Variants in POLA1 observed in about 807,000 individuals in gnomAD.
The protein encoded by POLA1 is DNA polymerase alpha 1, catalytic subunit.
A neutral mutation model predicts 124.0 loss-of-function variants in POLA1; 15 were observed. That is an observed-to-expected ratio of 0.12 (90% CI 0.08 to 0.19). The LOEUF (loss-of-function observed/expected upper bound fraction) is 0.19. Ranked by LOEUF, POLA1 falls within the 10% of genes least tolerant of loss-of-function variation. The probability of loss-of-function intolerance (pLI) is 1.00; values close to 1 mark genes in which losing one functional copy is unlikely to be tolerated. For missense variants in POLA1, 886 were observed against 1,103.4 expected, an observed-to-expected ratio of 0.80 and a Z score of 2.79; for synonymous variants, 408 against 389.4, an observed-to-expected ratio of 1.05 and a Z score of -0.56.
chrX:24,738,486 A>G (rs1202313531), intron 19 of POLA1, among the ~76,000 whole-genome samples: 1 of 111,752 alleles, frequency 8.9e-6, no homozygotes, highest in African/African-American at 3.2e-5. Flanking sequence ...ATAAAAAAAA[A>G]AGGAAAAAAG....
intron 35 of POLA1, among the ~76,000 whole-genome samples, chrX:24,917,000 T>C (rs763773576): frequency 8.9e-6 from 1 of 112,549 alleles, no homozygotes; most frequent in African/African-American, 3.2e-5. Context: ...TCTAACACTT[T>C]AATGTCTAAA....
chrX:24,963,320 C>T (rs1032985787), intron 36 of POLA1, among the ~76,000 whole-genome samples: 3 of 111,743 alleles, frequency 2.7e-5, no homozygotes, highest in African/African-American at 9.8e-5. Flanking sequence ...CCATCTTGCC[C>T]CAACTCTTGC....
intron 35 of POLA1, among the ~76,000 whole-genome samples, chrX:24,921,544 G>C (rs1226371246): frequency 8.9e-6 from 1 of 112,102 alleles, no homozygotes; most frequent in East Asian, 2.8e-4. Flanking sequence ...CTAGCAGCTA[G>C]AACAGTGCCT....
chrX:24,735,562 C>G (rs1931222041), intron 18 of POLA1, 74 bp downstream of exon 18: 1 of 590,683 alleles, frequency 1.7e-6, no homozygotes. Flanking sequence ...TTTATTGGTG[C>G]TTTTGAGCAG....
intron 34 of POLA1, among the ~76,000 whole-genome samples, chrX:24,868,416 G>T (rs1174375744): frequency 9.0e-6 from 1 of 111,703 alleles, no homozygotes; most frequent in Non-Finnish European, 1.9e-5. Flanking sequence ...GAGTATTCTT[G>T]TATCACTGTG....
chrX:24,738,117 G>T (rs1327004358), intron 19 of POLA1, among the ~76,000 whole-genome samples: 3 of 103,026 alleles, frequency 2.9e-5, no homozygotes, highest in Non-Finnish European at 5.8e-5. Context: ...GGAGGCTGAG[G>T]CAGGAGAATG....
At chrX:24,815,643 A>G (rs2045979238) in intron 30 of POLA1, among the ~76,000 whole-genome samples, 1 of 112,089 alleles carries the variant, frequency 8.9e-6, no homozygotes, top group African/African-American at 3.2e-5. Flanking sequence ...TTGGTTTCCA[A>G]AGTATTGTGT....
At chrX:24,697,855 C>G (rs1386155087) in intron 1 of POLA1, among the ~76,000 whole-genome samples, 1 of 111,291 alleles carries the variant, frequency 9.0e-6, no homozygotes, top group Non-Finnish European at 1.9e-5. Context: ...CATGCTGAGC[C>G]TAAACTCGTA....
intron 31 of POLA1, among the ~76,000 whole-genome samples, chrX:24,822,146 C>T (rs1422598632): frequency 1.8e-5 from 2 of 110,613 alleles, no homozygotes; most frequent in African/African-American, 6.6e-5. Context: ...AGTTTTAAGC[C>T]ACTACCAGTT....
chrX:24,954,763 A>G (rs1406957612), intron 36 of POLA1, among the ~76,000 whole-genome samples: 1 of 112,119 alleles, frequency 8.9e-6, no homozygotes, highest in East Asian at 2.8e-4. Context: ...ACAGTAAATC[A>G]TGGACTAGCT....
chrX:24,740,075 C>T (rs904387503), intron 20 of POLA1, among the ~76,000 whole-genome samples: 1 of 111,579 alleles, frequency 9.0e-6, no homozygotes, highest in African/African-American at 3.3e-5. Flanking sequence ...TCCCTAAATT[C>T]CACACTCAGT....
At chrX:24,751,192 G>A (rs146426684) in intron 26 of POLA1, among the ~76,000 whole-genome samples, 1 of 111,028 alleles carries the variant, frequency 9.0e-6, no homozygotes, top group African/African-American at 3.3e-5. Context: ...GGAAATCCCT[G>A]TTGTTACATT....
At chrX:24,724,287 T>A (rs769057587) in intron 11 of POLA1, 48 bp from the exon 12 acceptor site, 1 of 634,748 alleles carries the variant, frequency 1.6e-6, no homozygotes, top group Admixed American at 3.0e-5. Flanking sequence ...AGATCATTTA[T>A]GTACAGATAC....
intron 19 of POLA1, among the ~76,000 whole-genome samples, chrX:24,739,050 C>T (rs1931475148): frequency 1.8e-5 from 2 of 111,163 alleles, no homozygotes; most frequent in South Asian, 3.9e-4. Context: ...GCAGTCCCCC[C>T]GTATTCCTTG....
intron 26 of POLA1, among the ~76,000 whole-genome samples, chrX:24,797,454 A>G (rs985016895): frequency 9.0e-6 from 1 of 110,652 alleles, no homozygotes; most frequent in Admixed American, 9.6e-5. Context: ...ACTTTTCTCT[A>G]ACTCCTGCCC....
intron 26 of POLA1, among the ~76,000 whole-genome samples, chrX:24,797,946 G>A (rs371749781): frequency 8.7e-4 from 95 of 109,574 alleles, no homozygotes; most frequent in African/African-American, 3.1e-3. Context: ...TACTTGGGAG[G>A]GTGATGTGGG....
chrX:24,729,688 G>A (rs748145632), intron 15 of POLA1, among the ~76,000 whole-genome samples: 4 of 110,611 alleles, frequency 3.6e-5, no homozygotes, highest in Non-Finnish European at 7.6e-5. Flanking sequence ...ATTTATTTTT[G>A]TTGTTATGTT....
chrX:24,851,518 G>C (rs1359777222), intron 34 of POLA1, among the ~76,000 whole-genome samples: 4 of 113,251 alleles, frequency 3.5e-5, no homozygotes, highest in Non-Finnish European at 5.6e-5. Flanking sequence ...AAGGCTGACT[G>C]GGGCATGAGT....
intron 3 of POLA1, among the ~76,000 whole-genome samples, chrX:24,703,991 C>T (rs950264234): frequency 8.9e-6 from 1 of 111,890 alleles, no homozygotes; most frequent in African/African-American, 3.3e-5. Context: ...TATGTTTCTA[C>T]TTGTGTAGTT....
Sources: allele counts gnomAD v4.1 joint callset (sites outside exome capture counted in the v4.1 genomes callset), GRCh38; gene constraint gnomAD v4.1.1; transcripts MANE v1.5; gene names NCBI Gene and HGNC (gene_info 2026-07-23, HGNC 2026-07-21).